Variants in NETO2 observed in about 807,000 individuals in gnomAD.
NETO2 encodes neuropilin and tolloid-like protein 2.
In NETO2, 28 loss-of-function variants were observed where a neutral mutation model predicts 62.5. The ratio of observed to expected loss-of-function variants is 0.45; its 90% CI spans 0.33 to 0.61. The LOEUF (loss-of-function observed/expected upper bound fraction) is 0.61. Ranked by LOEUF, NETO2 falls within the 20% of genes least tolerant of loss-of-function variation. The pLI is 0.02. For synonymous variants in NETO2, 214 were observed against 219.1 expected (o/e 0.98, Z 0.21); for missense variants, 548 against 643.2 (o/e 0.85, Z 1.60).
intron 7 of NETO2, among the ~76,000 whole-genome samples, chr16:47,102,241 C>T (rs564788778): frequency 7.9e-5 from 12 of 152,230 alleles, no homozygotes; most frequent in Middle Eastern, 3.4e-3. Flanking sequence ...ATGCAGAAAA[C>T]TGAAACTGGA....
chr16:47,131,822 A>T (rs1964271076), intron 2 of NETO2, 147 bp downstream of exon 2: 1 of 688,342 alleles, frequency 1.5e-6, no homozygotes, highest in African/African-American at 1.8e-5. Context: ...ACTCAGTTAA[A>T]TTGAGGCTGA....
chr16:47,083,522 C>T lies in NETO2; in HGVS notation c.1277G>A (p.Arg426Gln), dbSNP rs771633004. Residue 426 changes from arginine to glutamine, a missense_variant, in exon 9 of 9, where the codon CGG (arginine) becomes CAG (glutamine). By Grantham distance (43) the Arg-to-Gln change is conservative. Transcript: ENST00000562435. ...SEELDNYQKM[R>Q]RSSTASRCIH... ...GCAGCGGGAGGCGGTGGAGGAGCGC[C>T]GCATCTTCTGGTAGTTGTCCAATTC... 80 of 1,613,982 alleles carry T rather than the reference C, an allele frequency of 5.0e-5. No homozygotes were observed. Among genetic ancestry groups the T allele is most frequent in the Non-Finnish European group, 5.9e-5 (70 of 1,180,040 alleles).
intron 1 of NETO2, among the ~76,000 whole-genome samples, chr16:47,133,710 C>G (rs1964316032): frequency 6.6e-6 from 1 of 152,000 alleles, no homozygotes; most frequent in Admixed American, 6.6e-5. Flanking sequence ...TTAGGGAACT[C>G]TGAGTAATAC....
Position 47,122,719 on chromosome 16 carries a change from T to C in NETO2, c.592A>G (p.Lys198Glu). Reference sequence around the variant, plus strand: ...TCAACGGCTTGGCCTGGTTTTGTTTTCTCCTCTTGTTCTACCTGACTAGAG... The same window carrying C: ...TCAACGGCTTGGCCTGGTTTTGTTTCCTCCTCTTGTTCTACCTGACTAGAG... ...VRSSQVEQEE[K>E]TKPGQAVDCI... The change falls in exon 6 of 9, where the codon AAA becomes GAA. Residue 198 changes from lysine to glutamate, a missense_variant. By Grantham distance (56) the Lys-to-Glu change is moderately conservative. Transcript: ENST00000562435. 1 of 1,614,170 alleles carries C rather than the reference T, an allele frequency of 6.2e-7. No individual in the cohort carries two copies. Among genetic ancestry groups the C allele is most frequent in the Non-Finnish European group, 8.5e-7 (1 of 1,180,024 alleles).
chr16:47,120,729 T>A (rs1964020550), intron 6 of NETO2, among the ~76,000 whole-genome samples: 1 of 152,210 alleles, frequency 6.6e-6, no homozygotes, highest in Non-Finnish European at 1.5e-5. Flanking sequence ...ATTTTGCTAT[T>A]GATAATTCTG....
intron 1 of NETO2, among the ~76,000 whole-genome samples, chr16:47,134,895 C>A (rs1964337592): frequency 6.6e-6 from 1 of 152,140 alleles, no homozygotes; most frequent in Non-Finnish European, 1.5e-5. Context: ...AGTTGCAAGG[C>A]CAAATAGCCT....
intron 7 of NETO2, among the ~76,000 whole-genome samples, chr16:47,108,257 C>T (rs1473591895): frequency 6.6e-6 from 1 of 152,074 alleles, no homozygotes; most frequent in African/African-American, 2.4e-5. Context: ...TAGGTAAACG[C>T]TACAGTAGTA....
intron 6 of NETO2, among the ~76,000 whole-genome samples, chr16:47,117,642 T>C (rs897990327): frequency 2.0e-5 from 3 of 152,210 alleles, no homozygotes; most frequent in African/African-American, 4.8e-5. Context: ...GCTCATACAG[T>C]GATTATTTGT....
In NETO2 at chr16:47,080,552, T is replaced by C. The variant is rs1963045592; in HGVS notation, c.*2669A>G. 1 of 152,240 alleles carries C rather than the reference T, an allele frequency of 6.6e-6. No individual in the cohort carries two copies. The highest frequency in any genetic ancestry group is 6.5e-5 in the Admixed American group (1 of 15,282). The allele number at this position is 152,240 out of a possible 1,614,324, so 9.4% of individuals were successfully genotyped here. A position where few individuals can be genotyped will look rare whatever the true frequency, so the allele number is the denominator to read the frequency against. ...TTAGCATTATTCTGGCAATAATGCCTAAGATTTATTAGTTCCATTCTTACC... is the reference window on the plus strand; with the variant it reads ...TTAGCATTATTCTGGCAATAATGCCCAAGATTTATTAGTTCCATTCTTACC... On this transcript the variant is annotated 3_prime_UTR_variant, in exon 9 of 9. Transcript: ENST00000562435.
At chr16:47,123,174 G>A (rs918697215) in intron 4 of NETO2, among the ~76,000 whole-genome samples, 8 of 152,064 alleles carry the variant, frequency 5.3e-5, no homozygotes, top group African/African-American at 9.7e-5. Context: ...ACAGGTAAAC[G>A]GAACATCACA....
At chr16:47,139,288 T>C (rs1964419802) in intron 1 of NETO2, among the ~76,000 whole-genome samples, 1 of 152,192 alleles carries the variant, frequency 6.6e-6, no homozygotes, top group Non-Finnish European at 1.5e-5. Context: ...GAACAAACAG[T>C]AGCCACACAT....
chr16:47,099,137 T>TACAC (rs977016529), intron 7 of NETO2, among the ~76,000 whole-genome samples: 3 of 152,090 alleles, frequency 2.0e-5, no homozygotes, highest in Non-Finnish European at 4.4e-5. Context: ...GGATTACAGG[T>TACAC]GTGTGAGCCA....
At chr16:47,089,827 A>C (rs1376176885) in intron 7 of NETO2, among the ~76,000 whole-genome samples, 1 of 152,232 alleles carries the variant, frequency 6.6e-6, no homozygotes, top group Non-Finnish European at 1.5e-5. Flanking sequence ...AAAACGGCCA[A>C]GAGAAACATA....
chr16:47,086,243 T>C lies in NETO2; in HGVS notation c.980A>G (p.Asp327Gly). ...AAACTCACCTTTACAATGATTTTCA[T>C]CCCAAGGGTATGCACAATTTTGGAC... ...NGVQNCAYPWDENHCKEKKKA... is the reference protein window; with the variant it reads ...NGVQNCAYPWGENHCKEKKKA... The change falls in exon 8 of 9, where the codon GAT becomes GGT. Residue 327 changes from aspartate (D) to glycine (G), a missense_variant. Coordinates refer to ENST00000562435, the MANE Select transcript of NETO2 (RefSeq NM_018092.5). 6.2e-7 allele frequency: 1 copy of C among 1,606,730 alleles called. No homozygotes were observed. The highest frequency in any genetic ancestry group is 1.1e-5 in the South Asian group (1 of 90,958).
Position 47,122,910 on chromosome 16 carries a change from G to C in NETO2, c.484C>G (p.Pro162Ala). Residue 162 changes from proline to alanine, a missense_variant and splice_region_variant, in exon 5 of 9, where the codon CCA becomes GCA. By Grantham distance (27) the Pro-to-Ala change is conservative. Transcript: ENST00000562435. The stretch of plus-strand genomic sequence containing the variant: ...ATACCTCCTAGGTAAGTAAAGTCTG[G>C]ATCTGTAACAGAAAAAAGAAGAAAG... ...FRAKYSFIPDPDFTYLGGILN... is the reference protein window; with the variant it reads ...FRAKYSFIPDADFTYLGGILN... 1 of 1,613,348 alleles carries C rather than the reference G, an allele frequency of 6.2e-7. No individual in the cohort carries two copies. Among genetic ancestry groups the C allele is most frequent in the South Asian group, 1.1e-5 (1 of 91,008 alleles).
In NETO2 at chr16:47,128,448, G is replaced by T. The variant is rs1383778010; in HGVS notation, c.358C>A (p.Arg120Ser). ...GPFGFSPLID[R>S]YCGVKSPPLI... Reference sequence around the variant, plus strand: ...GGAGGGCTTTTCACGCCACAGTAACGATCTATAAGAGGAGAGAAACCAAAT... The same window carrying T: ...GGAGGGCTTTTCACGCCACAGTAACTATCTATAAGAGGAGAGAAACCAAAT... The change falls in exon 4 of 9, where the codon CGT (arginine) becomes AGT (serine). Residue 120 changes from arginine (R) to serine (S), a missense_variant. Transcript: ENST00000562435. The T allele has an allele frequency of 1.9e-6, 3 of 1,614,002 alleles. No individual in the cohort carries two copies. The highest frequency in any genetic ancestry group is 2.5e-6 in the Non-Finnish European group (3 of 1,179,978).
chr16:47,128,350 A>G lies in NETO2; in HGVS notation c.456T>C (p.Phe152=), dbSNP rs1270114283. The change falls in exon 4 of 9, where the codon TTT becomes TTC. Residue 152 remains phenylalanine (F), a synonymous_variant. Transcript: ENST00000562435. ...SSDEELEGLG[F]RAKYSFIPDP... ...CTGGAATAAATGAATATTTTGCTCGAAATCCCAGTCCTTCAAGCTCTTCAT... is the reference window on the plus strand; with the variant it reads ...CTGGAATAAATGAATATTTTGCTCGGAATCCCAGTCCTTCAAGCTCTTCAT... 6.2e-7 allele frequency: 1 copy of G among 1,613,388 alleles called. No homozygotes were observed. Among genetic ancestry groups the G allele is most frequent in the African/African-American group, 1.3e-5 (1 of 74,898 alleles).
rs9937164 is a variant in NETO2, at chr16:47,127,588, T to C, written c.481+737A>G. Among the ~76,000 whole-genome samples, 647 of 152,308 alleles carry C rather than the reference T, an allele frequency of 4.2e-3. 5 individuals carry two copies. The highest frequency in any genetic ancestry group is 0.015 in the African/African-American group (616 of 41,568). On this transcript the variant is annotated intron_variant, in intron 4 of 8. Coordinates refer to ENST00000562435, the MANE Select transcript of NETO2 (RefSeq NM_018092.5). The stretch of plus-strand genomic sequence containing the variant: ...GCCACAGCCCAGCAATGCTGGGGCA[T>C]GCACTGGAGGCTGGAAGGAGCAAAG...
At chr16:47,141,473 C>A (rs1378983644) in intron 1 of NETO2, among the ~76,000 whole-genome samples, 12 of 148,424 alleles carry the variant, frequency 8.1e-5, no homozygotes, top group South Asian at 4.3e-4. Context: ...AAAAAAAAAA[C>A]AAAAACAAAA....
Sources: allele counts gnomAD v4.1 joint callset (sites outside exome capture counted in the v4.1 genomes callset), GRCh38; gene constraint gnomAD v4.1.1; transcripts MANE v1.5; gene names NCBI Gene and HGNC (gene_info 2026-07-23, HGNC 2026-07-21).